ATP10D: variants seen among roughly 807,000 people sequenced by gnomAD.
ATP10D encodes ATPase phospholipid transporting 10D (putative).
Under a neutral mutation model 144.8 loss-of-function variants are expected in ATP10D, and 89 were observed. The ratio of observed to expected loss-of-function variants is 0.61; its 90% confidence interval spans 0.52 to 0.73. The LOEUF (loss-of-function observed/expected upper bound fraction) is 0.73. Among genes scored for constraint, ATP10D ranks in the 30% least tolerant of loss-of-function variants. ATP10D has a pLI of 0.00. For synonymous variants in ATP10D, 571 were observed against 615.1 expected, an observed-to-expected ratio of 0.93 and a Z score of 1.06; for missense variants, 1,603 against 1,714.8, an observed-to-expected ratio of 0.93 and a Z score of 1.15.
rs924574209 is a variant in ATP10D, at chr4:47,495,859, T to C, written c.-38+10340T>C. The stretch of plus-strand genomic sequence containing the variant: ...TTCAAGCAATTCTTCTGCCTCAGCC[T>C]CCCCAGCAGCTGGGATTACCGGCAT... On this transcript the variant is annotated intron_variant, in intron 1 of 22. Transcript: ENST00000273859. 2.6e-5 allele frequency among the ~76,000 whole-genome samples: 4 copies of C among 151,872 alleles called. No individual in the cohort carries two copies. The South Asian group carries it at 8.3e-4, about 32-fold the overall frequency.
intron 9 of ATP10D, among the ~76,000 whole-genome samples, chr4:47,546,415 G>A (rs1385454568): frequency 2.6e-5 from 4 of 152,144 alleles, no homozygotes; most frequent in Non-Finnish European, 5.9e-5. Flanking sequence ...TAGATTTGAC[G>A]ATGGAAAAAG....
rs1717820876 is a variant in ATP10D, at chr4:47,535,894, C to T, written c.884-8C>T. 1.2e-6 allele frequency: 2 copies of T among 1,609,312 alleles called. No homozygotes were observed. Among genetic ancestry groups the T allele is most frequent in the Non-Finnish European group, 1.7e-6 (2 of 1,178,302 alleles). On this transcript the variant is annotated splice_polypyrimidine_tract_variant and splice_region_variant and intron_variant, in intron 6 of 22. Transcript: ENST00000273859. Reference sequence around the variant, plus strand: ...TACATTTTCTATCATACTGCACATCCTTCATAGGCCATGAAACCAAAGCAA... The same window carrying T: ...TACATTTTCTATCATACTGCACATCTTTCATAGGCCATGAAACCAAAGCAA...
intron 9 of ATP10D, 152 bp downstream of exon 9, chr4:47,537,090 GTT>G: frequency 1.1e-6 from 1 of 939,844 alleles, no homozygotes. Context: ...CTTCATTGTT[GTT>G]CCTTCAAAAG....
At chr4:47,498,748 T>C (rs1422185821) in intron 1 of ATP10D, among the ~76,000 whole-genome samples, 4 of 152,226 alleles carry the variant, frequency 2.6e-5, no homozygotes. Flanking sequence ...TGTCCAGTTA[T>C]TGGTTAAAAC....
rs202127870 is a variant in ATP10D at position 47,557,743 on chromosome 4, G to A, written c.1904G>A (p.Arg635Gln). Residue 635 changes from arginine (R) to glutamine (Q), a missense_variant, in exon 12 of 23, where the codon CGA becomes CAA. Arg to Gln is a conservative substitution (Grantham distance 43, BLOSUM62 1). Coordinates refer to ENST00000273859, the MANE Select transcript of ATP10D (RefSeq NM_020453.4). ...AGTCTTTTCCAGAGATGGTCTGTCC[G>A]AAGATCAAGTTCTCCATCGCTTAAC... ...IKSLFQRWSVRRSSSPSLNSG... is the reference protein window; with the variant it reads ...IKSLFQRWSVQRSSSPSLNSG... 117 of 1,614,062 alleles carry A rather than the reference G, an allele frequency of 7.2e-5. No homozygotes were observed. The highest frequency in any genetic ancestry group is 8.1e-5 in the Non-Finnish European group (96 of 1,180,040).
chr4:47,536,007 T>A lies in ATP10D; in HGVS notation c.989T>A (p.Val330Asp), dbSNP rs756292540. ...GTCCTCTGGTGTGTCATGCTTCTGGTCATAATGTGCTTAACTGGCGCAGTA... is the reference window on the plus strand; with the variant it reads ...GTCCTCTGGTGTGTCATGCTTCTGGACATAATGTGCTTAACTGGCGCAGTA... ...TDVLWCVMLLVIMCLTGAVGH... is the reference protein window; with the variant it reads ...TDVLWCVMLLDIMCLTGAVGH... The change falls in exon 7 of 23, where the codon GTC becomes GAC. Residue 330 changes from valine (V) to aspartate (D), a missense_variant. Physicochemically the swap from Val to Asp is radical, Grantham distance 152. Transcript: ENST00000273859. 1 of 1,612,696 alleles carries A rather than the reference T, an allele frequency of 6.2e-7. No individual in the cohort carries two copies. The highest frequency in any genetic ancestry group is 1.1e-5 in the South Asian group (1 of 90,880).
At chr4:47,590,977 G>GT in intron 22 of ATP10D, 65 bp from the exon 23 acceptor site, 6 of 492,456 alleles carry the variant, frequency 1.2e-5, no homozygotes, top group African/African-American at 4.0e-5. Context: ...GTTAGTATTT[G>GT]GGGGGGGGGG....
chr4:47,536,041 A>G lies in ATP10D; in HGVS notation c.1015+8A>G. The G allele has an allele frequency of 6.3e-7, 1 of 1,598,094 alleles. No homozygotes were observed. On this transcript the variant is annotated splice_region_variant and intron_variant, in intron 7 of 22. Coordinates refer to ENST00000273859, the MANE Select transcript of ATP10D (RefSeq NM_020453.4). The stretch of plus-strand genomic sequence containing the variant: ...GCTTAACTGGCGCAGTAGGTAGGTA[A>G]AATTTGATTATTTGCTGACATCTTT...
intron 17 of ATP10D, 96 bp downstream of exon 17, chr4:47,572,326 G>A (rs1320665782): frequency 1.8e-6 from 2 of 1,123,656 alleles, no homozygotes; most frequent in Middle Eastern, 2.2e-4. Flanking sequence ...GAGTGAGGCT[G>A]TGTGTGGCTA....
Position 47,503,382 on chromosome 4 carries a change from T to C in ATP10D, c.-37-9122T>C, listed in dbSNP as rs76918081. Among the ~76,000 whole-genome samples, 1,182 of 152,256 alleles carry C rather than the reference T, an allele frequency of 7.8e-3. 23 individuals carry two copies. Among genetic ancestry groups the C allele is most frequent in the East Asian group, 0.041 (211 of 5,186 alleles). On this transcript the variant is annotated intron_variant, in intron 1 of 22. Transcript: ENST00000273859. ...TTTCAGGTCATGTTTGCTGAGTAAATTGAAAATGAATGAACTTAATTTAAG... is the reference window on the plus strand; with the variant it reads ...TTTCAGGTCATGTTTGCTGAGTAAACTGAAAATGAATGAACTTAATTTAAG...
At chr4:47,559,762 G>A (rs1452311039) in intron 13 of ATP10D, among the ~76,000 whole-genome samples, 1 of 152,144 alleles carries the variant, frequency 6.6e-6, no homozygotes, top group East Asian at 1.9e-4. Context: ...GTAATCAGGA[G>A]GCTGAGGCAG....
At chr4:47,539,518 T>C (rs1466276288) in intron 9 of ATP10D, among the ~76,000 whole-genome samples, 1 of 152,224 alleles carries the variant, frequency 6.6e-6, no homozygotes, top group Admixed American at 6.5e-5. Context: ...GTTTTTAAGA[T>C]ATGCATTTGC....
chr4:47,520,941 G>A (rs371505049), intron 3 of ATP10D, among the ~76,000 whole-genome samples: 24 of 152,178 alleles, frequency 1.6e-4, no homozygotes, highest in African/African-American at 2.7e-4. Flanking sequence ...ACAATTTCAC[G>A]TTATCAACTT....
intron 22 of ATP10D, among the ~76,000 whole-genome samples, chr4:47,589,039 A>G (rs1033735911): frequency 9.9e-5 from 15 of 152,174 alleles, no homozygotes; most frequent in South Asian, 4.1e-4. Flanking sequence ...TGTAACCACA[A>G]GTGTCCTTAT....
intron 1 of ATP10D, among the ~76,000 whole-genome samples, chr4:47,508,370 A>G (rs1413449270): frequency 6.6e-6 from 1 of 152,228 alleles, no homozygotes; most frequent in African/African-American, 2.4e-5. Context: ...CCCAATGTAT[A>G]AGATTCCCAC....
At chr4:47,516,953 A>G (rs1484667936) in intron 3 of ATP10D, among the ~76,000 whole-genome samples, 2 of 152,348 alleles carry the variant, frequency 1.3e-5, no homozygotes, top group African/African-American at 4.8e-5. Flanking sequence ...AAATATCGGT[A>G]CAGTCTCTAG....
rs559152033 is a variant in ATP10D at position 47,558,224 on chromosome 4, G to A, written c.2385G>A (p.Thr795=). The A allele has an allele frequency of 4.5e-5, 72 of 1,614,192 alleles. No individual in the cohort carries two copies. In the South Asian group the frequency reaches 5.5e-4, roughly 12 times the overall value. Reference sequence around the variant, plus strand: ...TTTCCAATCAAGTTGTGGTGTATACGAAAGGCGCTGATTCTGTGATCATGG... The same window carrying A: ...TTTCCAATCAAGTTGTGGTGTATACAAAAGGCGCTGATTCTGTGATCATGG... The part of the protein sequence containing the change: ...HPLSNQVVVY[T]KGADSVIMEL... The change falls in exon 12 of 23, where the codon ACG becomes ACA. Residue 795 remains threonine (T), a synonymous_variant. Transcript: ENST00000273859.
chr4:47,572,078 C>T (rs1719979939), intron 16 of ATP10D, 76 bp from the exon 17 acceptor site: 1 of 1,275,510 alleles, frequency 7.8e-7, no homozygotes, highest in South Asian at 1.2e-5. Context: ...ACTTGAGCTG[C>T]CCCTATTGAT....
chr4:47,558,955 G>A lies in ATP10D; in HGVS notation c.2467G>A (p.Val823Ile). Residue 823 changes from valine to isoleucine, a missense_variant, in exon 13 of 23, where the codon GTA (valine) becomes ATA (isoleucine). Transcript: ENST00000273859. Reference protein sequence around the residue: ...GASLEKQQMIVREKTQKHLDD... With the variant: ...GASLEKQQMIIREKTQKHLDD... ...AAGTCTGGAGAAACAACAGATGATA[G>A]TAAGGGAGAAAACCCAGAAGCACTT... 6.2e-7 allele frequency: 1 copy of A among 1,614,058 alleles called. No individual in the cohort carries two copies. The highest frequency in any genetic ancestry group is 8.5e-7 in the Non-Finnish European group (1 of 1,179,980).
Sources: gnomAD v4.1 joint callset for allele counts (sites outside exome capture counted in the v4.1 genomes callset) on GRCh38, gnomAD v4.1.1 for gene constraint, MANE v1.5 for transcripts, NCBI Gene and HGNC (gene_info 2026-07-23, HGNC 2026-07-21) for gene names.